ASB13: variants seen among roughly 807,000 people sequenced by gnomAD.
The protein encoded by ASB13 is ankyrin repeat and SOCS box protein 13.
A neutral mutation model predicts 28.8 loss-of-function variants in ASB13; 33 were observed. That is an observed-to-expected ratio of 1.15 (90% CI 0.87 to 1.53). The LOEUF (loss-of-function observed/expected upper bound fraction) is 1.53, where lower values mean the gene tolerates loss of function less well. Among genes scored for constraint, ASB13 ranks in the 40% most tolerant of loss-of-function variants. The pLI, the probability that ASB13 is intolerant of heterozygous loss-of-function variation, is 0.00. For synonymous variants in ASB13, 182 were observed against 172.9 expected (o/e 1.05, Z -0.41); for missense variants, 414 against 390.1 (o/e 1.06, Z -0.52).
chr10:5,662,072 C>A (rs1835175840), intron 1 of ASB13, among the ~76,000 whole-genome samples: 1 of 152,118 alleles, frequency 6.6e-6, no homozygotes, highest in South Asian at 2.1e-4. Flanking sequence ...CCGGAAGCCC[C>A]CAGGGAGGGT....
chr10:5,642,082 T>C lies in ASB13; in HGVS notation c.518-121A>G. 1.1e-6 allele frequency: 1 copy of C among 941,948 alleles called. No individual in the cohort carries two copies. The highest frequency in any genetic ancestry group is 1.6e-6 in the Non-Finnish European group (1 of 625,640). The allele number at this position is 941,948 out of a possible 1,614,324, so 58.3% of individuals were successfully genotyped here. ...AGCAATCCCCACCCAGAAGACAAAA[T>C]CAGGACAGACTCTACCGTAGCTTTC... On this transcript the variant is annotated intron_variant, in intron 4 of 5. Coordinates refer to ENST00000357700, the MANE Select transcript of ASB13 (RefSeq NM_024701.4). The surrounding 1 kb of genome is among the most constrained non-coding windows in gnomAD (Gnocchi z 4.1).
At position 5,641,912 on chromosome 10, in the gene ASB13, C is replaced by A; in HGVS notation, c.567G>T (p.Ala189=). The A allele has an allele frequency of 6.2e-7, 1 of 1,613,430 alleles. No homozygotes were observed. Reference sequence around the variant, plus strand: ...TGAGGTCAACATTCTTGACCTTGGCCGCGTGGTGAAGGGCAGTCTCATGAA... The same window carrying A: ...TGAGGTCAACATTCTTGACCTTGGCAGCGTGGTGAAGGGCAGTCTCATGAA... ...AKLHETALHH[A]AKVKNVDLIE... The change falls in exon 5 of 6, where the codon GCG becomes GCT. Residue 189 remains alanine, a synonymous_variant. Transcript: ENST00000357700. The surrounding 1 kb of genome is among the most constrained non-coding windows in gnomAD (Gnocchi z 8.4).
chr10:5,659,458 T>G lies in ASB13; in HGVS notation c.44-6408A>C, dbSNP rs1486001970. Among the ~76,000 whole-genome samples, 3 of 152,144 alleles carry G rather than the reference T, an allele frequency of 2.0e-5. No individual in the cohort carries two copies. Among genetic ancestry groups the G allele is most frequent in the Non-Finnish European group, 4.4e-5 (3 of 68,028 alleles). On this transcript the variant is annotated intron_variant, in intron 1 of 5. Coordinates refer to ENST00000357700, the MANE Select transcript of ASB13 (RefSeq NM_024701.4). The surrounding 1 kb of genome is among the most constrained non-coding windows in gnomAD (Gnocchi z 5.8). ...GGCCCTGTCCCCAGGCTCCCCGTCA[T>G]GCACACAGCCGTGTCCAGTGACACC... is the stretch of plus-strand genomic sequence containing the variant.
rs1407541076 is a variant in ASB13, at chr10:5,650,244, C to A, written c.382+969G>T. Among the ~76,000 whole-genome samples the A allele has an allele frequency of 6.6e-6, 1 of 152,204 alleles. No homozygotes were observed. The highest frequency in any genetic ancestry group is 6.5e-5 in the Admixed American group (1 of 15,282). On this transcript the variant is annotated intron_variant, in intron 3 of 5. Coordinates refer to ENST00000357700, the MANE Select transcript of ASB13 (RefSeq NM_024701.4). The surrounding 1 kb of genome is among the most constrained non-coding windows in gnomAD (Gnocchi z 6.0). ...ATCTCAGCGATGGTCCCCAACTCAT[C>A]CCTCTGCTTCCAGGAGACCCCAGCC...
At chr10:5,657,915 AGGCG>A (rs1399446781) in intron 1 of ASB13, among the ~76,000 whole-genome samples, 1 of 152,172 alleles carries the variant, frequency 6.6e-6, no homozygotes, top group Non-Finnish European at 1.5e-5. Context: ...TGGGAGGCCG[AGGCG>A]GGCAGATCAC....
Position 5,656,487 on chromosome 10 carries a change from T to G in ASB13, c.44-3437A>C, listed in dbSNP as rs547234739. ...CCAGGAGGCGGAGATTGCAGTGAGC[T>G]GAGATCGCACCATTGCATTCCAGCC... On this transcript the variant is annotated intron_variant, in intron 1 of 5. Coordinates refer to ENST00000357700, the MANE Select transcript of ASB13 (RefSeq NM_024701.4). This position sits in a 1 kb window ranked among gnomAD's most constrained non-coding sequence, Gnocchi z 4.3. Among the ~76,000 whole-genome samples, 1 of 150,428 alleles carries G rather than the reference T, an allele frequency of 6.6e-6. No homozygotes were observed. The highest frequency in any genetic ancestry group is 1.5e-5 in the Non-Finnish European group (1 of 67,826).
In ASB13 at chr10:5,648,971, T is replaced by G. The variant is rs768418762; in HGVS notation, c.516A>C (p.Ala172=). Residue 172 remains alanine, a splice_region_variant and synonymous_variant, in exon 4 of 6, where the codon GCA becomes GCC. Coordinates refer to ENST00000357700, the MANE Select transcript of ASB13 (RefSeq NM_024701.4). ...HLDCVKVLLN[A]GANVNAAKLH... Reference sequence around the variant, plus strand: ...CCGCTCGGGCAAACACCCACTCACCTGCATTGAGCAGCACTTTGACACAGT... The same window carrying G: ...CCGCTCGGGCAAACACCCACTCACCGGCATTGAGCAGCACTTTGACACAGT... 8 of 1,613,950 alleles carry G rather than the reference T, an allele frequency of 5.0e-6. No homozygotes were observed. The highest frequency in any genetic ancestry group is 3.3e-5 in the Admixed American group (2 of 60,006).
intron 1 of ASB13, among the ~76,000 whole-genome samples, chr10:5,653,785 G>C (rs916959163): frequency 4.6e-5 from 7 of 151,938 alleles, no homozygotes; most frequent in African/African-American, 1.7e-4. Context: ...GGGTTCAAGC[G>C]ATTCTCCTGC....
intron 4 of ASB13, among the ~76,000 whole-genome samples, chr10:5,646,324 A>G (rs10905799): frequency 0.23 from 34,407 of 151,952 alleles, 4,193 homozygotes; most frequent in Non-Finnish European, 0.28. Context: ...CACAGTAATT[A>G]GTTCTAATGA....
intron 1 of ASB13, 106 bp from the exon 2 acceptor site, chr10:5,653,156 G>A (rs891368706): frequency 1.2e-5 from 14 of 1,154,680 alleles, no homozygotes; most frequent in Non-Finnish European, 1.6e-5. Flanking sequence ...CACCATCCGT[G>A]ATCATGCAAT....
chr10:5,656,945 T>A lies in ASB13; in HGVS notation c.44-3895A>T. 6.6e-6 allele frequency among the ~76,000 whole-genome samples: 1 copy of A among 152,224 alleles called. No homozygotes were observed. The highest frequency in any genetic ancestry group is 1.9e-4 in the East Asian group (1 of 5,198). On this transcript the variant is annotated intron_variant, in intron 1 of 5. Coordinates refer to ENST00000357700, the MANE Select transcript of ASB13 (RefSeq NM_024701.4). The surrounding 1 kb of genome is among the most constrained non-coding windows in gnomAD (Gnocchi z 4.3). ...GACACTTATCTACCATCTTCCTGGT[T>A]TGCTGGCTCTCCAGATAAACCTGCC...
Position 5,664,411 on chromosome 10 carries a change from A to C in ASB13, c.43+2098T>G, listed in dbSNP as rs1835223392. Among the ~76,000 whole-genome samples, 1 of 152,214 alleles carries C rather than the reference A, an allele frequency of 6.6e-6. No individual in the cohort carries two copies. Among genetic ancestry groups the C allele is most frequent in the Non-Finnish European group, 1.5e-5 (1 of 68,044 alleles). On this transcript the variant is annotated intron_variant, in intron 1 of 5. Transcript: ENST00000357700. This position sits in a 1 kb window ranked among gnomAD's most constrained non-coding sequence, Gnocchi z 4.2. ...TAGGCATGGAGAACACCGAACCCAC[A>C]GGTAAACAAAAAGAACACCCGCCAT...
At chr10:5,646,378 G>A (rs1202978240) in intron 4 of ASB13, among the ~76,000 whole-genome samples, 3 of 152,218 alleles carry the variant, frequency 2.0e-5, no homozygotes, top group African/African-American at 7.2e-5. Context: ...TTGGGCAAAG[G>A]GACTGGGGAG....
intron 4 of ASB13, among the ~76,000 whole-genome samples, chr10:5,648,551 CA>C (rs1396953842): frequency 2.1e-5 from 3 of 144,528 alleles, no homozygotes; most frequent in Non-Finnish European, 3.0e-5. Context: ...AACACCCACT[CA>C]GGTAAACACC....
At chr10:5,648,114 C>A (rs541764810) in intron 4 of ASB13, among the ~76,000 whole-genome samples, 9 of 150,900 alleles carry the variant, frequency 6.0e-5, no homozygotes, top group Non-Finnish European at 5.9e-5. Context: ...CAGGTAAACA[C>A]CCACACAGGT....
chr10:5,641,814 G>C lies in ASB13; in HGVS notation c.665C>G (p.Thr222Arg). ...DNRGKKPSDY[T>R]WSSSAPAKCF... ...CTTGGCGGGAGCGCTGCTGCTCCAC[G>C]TGTAGTCAGACGGCTTCTTCCCGCG... Residue 222 changes from threonine (T) to arginine (R), a missense_variant, in exon 5 of 6, where the codon ACG (threonine) becomes AGG (arginine). Thr to Arg is a moderately conservative substitution (Grantham distance 71). Coordinates refer to ENST00000357700, the MANE Select transcript of ASB13 (RefSeq NM_024701.4). This position sits in a 1 kb window ranked among gnomAD's most constrained non-coding sequence, Gnocchi z 8.4. 6.2e-7 allele frequency: 1 copy of C among 1,611,682 alleles called. No individual in the cohort carries two copies. Among genetic ancestry groups the C allele is most frequent in the Non-Finnish European group, 8.5e-7 (1 of 1,179,066 alleles).
Position 5,649,051 on chromosome 10 carries a change from G to A in ASB13, c.436C>T (p.His146Tyr), listed in dbSNP as rs1834941968. 1 of 1,614,156 alleles carries A rather than the reference G, an allele frequency of 6.2e-7. No homozygotes were observed. The highest frequency in any genetic ancestry group is 8.5e-7 in the Non-Finnish European group (1 of 1,180,060). The change falls in exon 4 of 6, where the codon CAC (histidine) becomes TAC (tyrosine). Residue 146 changes from histidine (H) to tyrosine (Y), a missense_variant. By Grantham distance (83) the His-to-Tyr change is moderately conservative. Coordinates refer to ENST00000357700, the MANE Select transcript of ASB13 (RefSeq NM_024701.4). This position sits in a 1 kb window ranked among gnomAD's most constrained non-coding sequence, Gnocchi z 6.4. ...LIDVGANLEA[H>Y]DCHFGTPLHV... ...AGAGGGGTCCCAAAATGGCAATCGT[G>A]CGCTTCCAGATTGGCCCCGACGTCA...
In ASB13 at chr10:5,640,902, A is replaced by G. The variant is rs1439692643; in HGVS notation, c.710-72T>C. 4 of 1,566,012 alleles carry G rather than the reference A, an allele frequency of 2.6e-6. No individual in the cohort carries two copies. The East Asian group carries it at 6.8e-5, about 27-fold the overall frequency. Reference sequence around the variant, plus strand: ...GCACAACACCTGCAATGGAACACAAACTCAGAGGGAATCGGAAACGCCTCC... The same window carrying G: ...GCACAACACCTGCAATGGAACACAAGCTCAGAGGGAATCGGAAACGCCTCC... On this transcript the variant is annotated intron_variant, in intron 5 of 5. Coordinates refer to ENST00000357700, the MANE Select transcript of ASB13 (RefSeq NM_024701.4).
At position 5,666,576 on chromosome 10, in the gene ASB13, G is replaced by C. The variant is rs1341290778; in HGVS notation, c.-25C>G. The stretch of plus-strand genomic sequence containing the variant: ...TGCGGCTCACCGGCGGCCGCGCGGC[G>C]ACTCTGGGCGCCGGGACCTGGGCCG... On this transcript the variant is annotated 5_prime_UTR_variant, in exon 1 of 6. Transcript: ENST00000357700. 8.8e-7 allele frequency: 1 copy of C among 1,133,286 alleles called. No homozygotes were observed. The highest frequency in any genetic ancestry group is 1.1e-6 in the Non-Finnish European group (1 of 925,220). 70.2% of individuals were successfully genotyped at this position (1,133,286 alleles called of 1,614,324 possible).
Sources: gnomAD v4.1 joint callset for allele counts (sites outside exome capture counted in the v4.1 genomes callset) on GRCh38, gnomAD v4.1.1 for gene constraint, Gnocchi (gnomAD v3.1) non-coding constraint, MANE v1.5 for transcripts, NCBI Gene and HGNC (gene_info 2026-07-23, HGNC 2026-07-21) for gene names.